ZNF431: variants seen among roughly 807,000 people sequenced by gnomAD.
The protein encoded by ZNF431 is zinc finger protein 431.
In ZNF431, 34 loss-of-function variants were observed where a neutral mutation model predicts 57.0. The observed-to-expected ratio is 0.60, with a 90% CI of 0.45 to 0.79. The LOEUF is 0.79. Ranked by LOEUF, ZNF431 falls within the 30% of genes least tolerant of loss-of-function variation. ZNF431 has a pLI of 0.00. For missense variants in ZNF431, 607 were observed against 667.1 expected, an observed-to-expected ratio of 0.91 and a Z score of 0.99; for synonymous variants, 207 against 220.3, an observed-to-expected ratio of 0.94 and a Z score of 0.54.
chr19:21,166,126 T>C (rs1443978913), intron 2 of ZNF431, among the ~76,000 whole-genome samples: 2 of 152,100 alleles, frequency 1.3e-5, no homozygotes, highest in African/African-American at 2.4e-5. Flanking sequence ...TATGCACTGG[T>C]GTTGTGGATC....
rs55727229 is a variant in ZNF431 at position 21,164,667 on chromosome 19, A to T, written c.97-1668A>T. Among the ~76,000 whole-genome samples, 1,177 of 152,106 alleles carry T rather than the reference A, an allele frequency of 7.7e-3. 17 individuals carry two copies. Among genetic ancestry groups the T allele is most frequent in the African/African-American group, 0.027 (1,135 of 41,492 alleles). On this transcript the variant is annotated intron_variant, in intron 2 of 4. Transcript: ENST00000311048. ...AATAATGGCTTCTTTTCAGCTAAACATGTCTCAGATCAAGAGCTGTGTCCA... is the reference window on the plus strand; with the variant it reads ...AATAATGGCTTCTTTTCAGCTAAACTTGTCTCAGATCAAGAGCTGTGTCCA...
intron 3 of ZNF431, among the ~76,000 whole-genome samples, chr19:21,167,096 G>C (rs1246932776): frequency 2.0e-5 from 3 of 151,874 alleles, no homozygotes; most frequent in African/African-American, 7.3e-5. Context: ...GACCTCAGGA[G>C]ATCTGCCCAC....
At chr19:21,179,593 C>T (rs1971157206) in intron 4 of ZNF431, among the ~76,000 whole-genome samples, 1 of 149,232 alleles carries the variant, frequency 6.7e-6, no homozygotes, top group Non-Finnish European at 1.5e-5. Flanking sequence ...CGGAGTCTCG[C>T]TCTGACCCCA....
chr19:21,151,065 T>C (rs10414473), intron 2 of ZNF431: 90,795 of 151,664 alleles, frequency 0.6, 27,636 homozygotes, highest in East Asian at 0.8. Context: ...TTTCTTTTTT[T>C]TTTTGGAATG....
In ZNF431 at chr19:21,188,484, C is replaced by T. The variant is rs774402160; in HGVS notation, c.*4450C>T. 1.3e-4 allele frequency: 20 copies of T among 151,986 alleles called. No homozygotes were observed. The highest frequency in any genetic ancestry group is 2.9e-4 in the Non-Finnish European group (20 of 68,004). 9.4% of individuals were successfully genotyped at this position (151,986 alleles called of 1,614,324 possible). A position where few individuals can be genotyped will look rare whatever the true frequency, so the allele number is the denominator to read the frequency against. ...ATACTTACAGCACAACTTATATTTCCATGCAGAATCTTTTATTTTTAAGTG... is the reference window on the plus strand; with the variant it reads ...ATACTTACAGCACAACTTATATTTCTATGCAGAATCTTTTATTTTTAAGTG... On this transcript the variant is annotated 3_prime_UTR_variant, in exon 5 of 5. Transcript: ENST00000311048.
intron 4 of ZNF431, among the ~76,000 whole-genome samples, chr19:21,176,117 T>G (rs1262219489): frequency 6.6e-6 from 1 of 152,222 alleles, no homozygotes; most frequent in African/African-American, 2.4e-5. Flanking sequence ...TAATCACCTT[T>G]CTGACTGGGG....
At position 21,193,514 on chromosome 19, in the gene ZNF431, A is replaced by C. The variant is rs1448842701; in HGVS notation, c.*9480A>C. On this transcript the variant is annotated 3_prime_UTR_variant, in exon 5 of 5. Coordinates refer to ENST00000311048, the MANE Select transcript of ZNF431 (RefSeq NM_133473.4). ...TGCACTCCAGCCTAGGCAATGAGTGAAACTCCATCTCAAAATAAATTAATT... is the reference window on the plus strand; with the variant it reads ...TGCACTCCAGCCTAGGCAATGAGTGCAACTCCATCTCAAAATAAATTAATT... 3 of 152,236 alleles carry C rather than the reference A, an allele frequency of 2.0e-5. No individual in the cohort carries two copies. The highest frequency in any genetic ancestry group is 4.4e-5 in the Non-Finnish European group (3 of 68,050). The allele number at this position is 152,236 out of a possible 1,614,324, so 9.4% of individuals were successfully genotyped here.
chr19:21,143,794 A>G (rs924618491), intron 2 of ZNF431, 151 bp downstream of exon 2: 1 of 506,944 alleles, frequency 2.0e-6, no homozygotes, highest in Non-Finnish European at 3.4e-6. Context: ...GCAGAAAGAT[A>G]ATGAAATAAA....
chr19:21,160,408 T>A (rs1352775675), intron 2 of ZNF431, among the ~76,000 whole-genome samples: 1 of 152,202 alleles, frequency 6.6e-6, no homozygotes, highest in Non-Finnish European at 1.5e-5. Context: ...TCCAGAGCCA[T>A]GACAACCACA....
intron 4 of ZNF431, among the ~76,000 whole-genome samples, chr19:21,176,944 C>G (rs940373493): frequency 6.6e-6 from 1 of 152,042 alleles, no homozygotes; most frequent in Admixed American, 6.6e-5. Flanking sequence ...CTCATCTACC[C>G]CCTTTGGCCT....
intron 1 of ZNF431, 49 bp downstream of exon 1, chr19:21,142,235 A>G (rs1178654159): frequency 6.2e-7 from 1 of 1,612,244 alleles, no homozygotes. Flanking sequence ...GGCTGGTTGT[A>G]ACCGGTGGGA....
At chr19:21,170,835 A>G (rs1970866495) in intron 4 of ZNF431, among the ~76,000 whole-genome samples, 1 of 151,856 alleles carries the variant, frequency 6.6e-6, no homozygotes, top group African/African-American at 2.4e-5. Flanking sequence ...CACCACATAT[A>G]GTTACTTTTT....
In ZNF431 at chr19:21,188,479, A is replaced by G. The variant is rs893083420; in HGVS notation, c.*4445A>G. On this transcript the variant is annotated 3_prime_UTR_variant, in exon 5 of 5. Transcript: ENST00000311048. ...ATGATATACTTACAGCACAACTTAT[A>G]TTTCCATGCAGAATCTTTTATTTTT... 15 of 152,292 alleles carry G rather than the reference A, an allele frequency of 9.8e-5. No individual in the cohort carries two copies. Among genetic ancestry groups the G allele is most frequent in the African/African-American group, 3.1e-4 (13 of 41,584 alleles). 9.4% of individuals were successfully genotyped at this position (152,292 alleles called of 1,614,324 possible). A position where few individuals can be genotyped will look rare whatever the true frequency, so the allele number is the denominator to read the frequency against.
At position 21,183,215 on chromosome 19, in the gene ZNF431, T is replaced by TAC. The variant is rs750491851; in HGVS notation, c.916_917dup (p.Lys307IlefsTer3). On this transcript the variant is annotated frameshift_variant, in exon 5 of 5. Coordinates refer to ENST00000311048, the MANE Select transcript of ZNF431 (RefSeq NM_133473.4). LOFTEE classifies it high-confidence loss of function. ...CCTTCAACCGGTCCTCACACCTTAC[T>TAC]ACACATAAGATAATTCATACTGGAG... 1.2e-6 allele frequency: 2 copies of TAC among 1,614,056 alleles called. No individual in the cohort carries two copies. Among genetic ancestry groups the TAC allele is most frequent in the Non-Finnish European group, 1.7e-6 (2 of 1,179,954 alleles).
chr19:21,145,112 T>C (rs961615988), intron 2 of ZNF431, among the ~76,000 whole-genome samples: 17 of 116,490 alleles, frequency 1.5e-4, no homozygotes, highest in Non-Finnish European at 2.8e-4. Context: ...AGTGAGTAAC[T>C]CTAACATGGA....
Position 21,191,801 on chromosome 19 carries a change from AAGTT to A in ZNF431, c.*7771_*7774del, listed in dbSNP as rs1478405033. 7.2e-5 allele frequency: 11 copies of A among 152,124 alleles called. No individual in the cohort carries two copies. Among genetic ancestry groups the A allele is most frequent in the African/African-American group, 2.7e-4 (11 of 41,436 alleles). 9.4% of individuals were successfully genotyped at this position (152,124 alleles called of 1,614,324 possible). ...TACCATAGCTATGTAGTGTATTTCAAAGTTAGTCACTTCTTTTGTCTTGATTGCT... is the reference window on the plus strand; with the variant it reads ...TACCATAGCTATGTAGTGTATTTCAAAGTCACTTCTTTTGTCTTGATTGCT... On this transcript the variant is annotated 3_prime_UTR_variant, in exon 5 of 5. Coordinates refer to ENST00000311048, the MANE Select transcript of ZNF431 (RefSeq NM_133473.4).
chr19:21,143,309 T>C (rs1327103125), intron 1 of ZNF431, among the ~76,000 whole-genome samples: 1 of 152,226 alleles, frequency 6.6e-6, no homozygotes, highest in East Asian at 1.9e-4. Context: ...GATACTGTAT[T>C]GTTAAAACTC....
Position 21,188,679 on chromosome 19 carries a change from C to G in ZNF431, c.*4645C>G, listed in dbSNP as rs772276403. 1 of 152,112 alleles carries G rather than the reference C, an allele frequency of 6.6e-6. No homozygotes were observed. The highest frequency in any genetic ancestry group is 1.5e-5 in the Non-Finnish European group (1 of 68,008). 9.4% of individuals were successfully genotyped at this position (152,112 alleles called of 1,614,324 possible). ...ACAGTTTTTATTTTTAGTCACCAAA[C>G]TGTAGCCAACTCTTGGGTCATTTTC... On this transcript the variant is annotated 3_prime_UTR_variant, in exon 5 of 5. Transcript: ENST00000311048.
chr19:21,152,237 A>G (rs142682482), intron 2 of ZNF431, among the ~76,000 whole-genome samples: 6 of 152,310 alleles, frequency 3.9e-5, no homozygotes, highest in African/African-American at 9.6e-5. Context: ...AAAATAAGAA[A>G]GAGAAAAGAG....
Sources: allele counts gnomAD v4.1 joint callset (sites outside exome capture counted in the v4.1 genomes callset), GRCh38; gene constraint gnomAD v4.1.1; transcripts MANE v1.5; gene names NCBI Gene and HGNC (gene_info 2026-07-23, HGNC 2026-07-21).